Variants in GRB14 observed in about 807,000 individuals in gnomAD.
The protein encoded by GRB14 is growth factor receptor bound protein 14.
In GRB14, 38 loss-of-function variants were observed where a neutral mutation model predicts 69.1. The ratio of observed to expected loss-of-function variants is 0.55; its 90% CI spans 0.42 to 0.72. The LOEUF (loss-of-function observed/expected upper bound fraction) is 0.72. GRB14 is among the 30% of genes least tolerant of loss of function. The pLI is 0.00. For missense variants in GRB14, 666 were observed against 666.1 expected (o/e 1.00, Z 0.00); for synonymous variants, 247 against 241.3 (o/e 1.02, Z -0.22).
chr2:164,520,231 A>G (rs1218711126), intron 6 of GRB14, among the ~76,000 whole-genome samples: 2 of 152,148 alleles, frequency 1.3e-5, no homozygotes, highest in Admixed American at 1.3e-4. Context: ...GGTCTTTGAC[A>G]AAGCAAACAA....
At chr2:164,514,842 C>A (rs938524872) in intron 6 of GRB14, among the ~76,000 whole-genome samples, 4 of 152,108 alleles carry the variant, frequency 2.6e-5, no homozygotes, top group Non-Finnish European at 5.9e-5. Context: ...TCACCTGCTG[C>A]CTGGAAAAAT....
intron 3 of GRB14, among the ~76,000 whole-genome samples, chr2:164,541,657 T>C (rs1574289141): frequency 6.6e-6 from 1 of 151,976 alleles, no homozygotes; most frequent in East Asian, 1.9e-4. Flanking sequence ...ATAGATACTA[T>C]GCCCTTCCCT....
At chr2:164,600,864 C>T (rs1689897726) in intron 2 of GRB14, among the ~76,000 whole-genome samples, 1 of 151,934 alleles carries the variant, frequency 6.6e-6, no homozygotes, top group African/African-American at 2.4e-5. Flanking sequence ...ATATTTATAG[C>T]CCCACATTTA....
At chr2:164,589,119 T>C (rs188873647) in intron 2 of GRB14, among the ~76,000 whole-genome samples, 2 of 152,336 alleles carry the variant, frequency 1.3e-5, no homozygotes, top group African/African-American at 4.8e-5. Flanking sequence ...TTGTAGTCAA[T>C]GTGTACATTT....
rs776664771 is a variant in GRB14 at position 164,494,453 on chromosome 2, A to AT, written c.1453dup (p.Ile485AsnfsTer12). 5.7e-6 allele frequency: 9 copies of AT among 1,592,850 alleles called. No individual in the cohort carries two copies. Among genetic ancestry groups the AT allele is most frequent in the Non-Finnish European group, 7.8e-6 (9 of 1,161,014 alleles). On this transcript the variant is annotated frameshift_variant, in exon 13 of 14. Coordinates refer to ENST00000263915, the MANE Select transcript of GRB14 (RefSeq NM_004490.3). LOFTEE classifies it high-confidence loss of function. Reference sequence around the variant, plus strand: ...TACTGGTATAATTTGAAAGTGCTTTATTTTTTGTCCATGACTCATTGACAG... The same window carrying AT: ...TACTGGTATAATTTGAAAGTGCTTTATTTTTTTGTCCATGACTCATTGACAG...
intron 3 of GRB14, among the ~76,000 whole-genome samples, chr2:164,527,526 A>G (rs1434868610): frequency 6.6e-6 from 1 of 151,860 alleles, no homozygotes; most frequent in Non-Finnish European, 1.5e-5. Flanking sequence ...TGCCAAAACT[A>G]AAGTATTTAT....
chr2:164,616,519 C>T lies in GRB14; in HGVS notation c.324+3168G>A, dbSNP rs540781667. On this transcript the variant is annotated intron_variant, in intron 2 of 13. Transcript: ENST00000263915. The stretch of plus-strand genomic sequence containing the variant: ...GGTACTGAAAGCCTACAGTATTGTA[C>T]ACTTTGGGACATTTTATTTGCAAAA... 2.7e-4 allele frequency among the ~76,000 whole-genome samples: 40 copies of T among 150,000 alleles called. 1 individual carries two copies. In the South Asian group the frequency reaches 8.6e-3, roughly 32 times the overall value.
chr2:164,515,796 T>A (rs1341466676), intron 6 of GRB14, among the ~76,000 whole-genome samples: 1 of 93,822 alleles, frequency 1.1e-5, no homozygotes, highest in African/African-American at 4.0e-5. Context: ...GAAGTTCAAC[T>A]TAGTGAGAAA....
At chr2:164,581,294 G>A (rs1043911848) in intron 2 of GRB14, among the ~76,000 whole-genome samples, 1 of 152,092 alleles carries the variant, frequency 6.6e-6, no homozygotes, top group Non-Finnish European at 1.5e-5. Context: ...CATTGTAAAA[G>A]GGATTTTGCA....
chr2:164,561,910 A>T (rs956195679), intron 2 of GRB14, among the ~76,000 whole-genome samples: 1 of 152,214 alleles, frequency 6.6e-6, no homozygotes, highest in Non-Finnish European at 1.5e-5. Flanking sequence ...AGCTAGATAA[A>T]GGTAATGAAA....
At chr2:164,507,344 T>C (rs938112023) in intron 8 of GRB14, among the ~76,000 whole-genome samples, 2 of 152,134 alleles carry the variant, frequency 1.3e-5, no homozygotes, top group Non-Finnish European at 2.9e-5. Context: ...TCAGGGTAAA[T>C]GAAATGGGGG....
intron 5 of GRB14, among the ~76,000 whole-genome samples, chr2:164,522,451 A>G (rs1034669569): frequency 2.6e-5 from 4 of 152,176 alleles, no homozygotes; most frequent in African/African-American, 9.7e-5. Context: ...ATAGTTATCT[A>G]ACTACCAAAA....
intron 2 of GRB14, among the ~76,000 whole-genome samples, chr2:164,590,349 T>C (rs774185838): frequency 6.6e-6 from 1 of 152,110 alleles, no homozygotes; most frequent in African/African-American, 2.4e-5. Flanking sequence ...GCTTAAAAGA[T>C]AGTTATAAAT....
intron 2 of GRB14, among the ~76,000 whole-genome samples, chr2:164,617,170 T>G (rs1690317618): frequency 6.6e-6 from 1 of 152,094 alleles, no homozygotes. Context: ...GGGGTACCCT[T>G]GTCTTCATAG....
intron 2 of GRB14, among the ~76,000 whole-genome samples, chr2:164,563,112 A>G (rs533872737): frequency 9.9e-5 from 15 of 151,964 alleles, no homozygotes; most frequent in African/African-American, 3.4e-4. Flanking sequence ...CTAAACTAAG[A>G]CCACCATCCA....
intron 2 of GRB14, among the ~76,000 whole-genome samples, chr2:164,550,482 T>C (rs970191213): frequency 9.8e-5 from 15 of 152,328 alleles, no homozygotes; most frequent in Admixed American, 7.2e-4. Flanking sequence ...CTTTTAAAAA[T>C]TATACTTAAT....
At chr2:164,512,778 G>C (rs900238457) in intron 6 of GRB14, among the ~76,000 whole-genome samples, 1 of 152,176 alleles carries the variant, frequency 6.6e-6, no homozygotes, top group Non-Finnish European at 1.5e-5. Flanking sequence ...ATGGGAAAAA[G>C]TCAGGTATAA....
chr2:164,563,108 TA>T (rs1688875623), intron 2 of GRB14, among the ~76,000 whole-genome samples: 2 of 151,858 alleles, frequency 1.3e-5, no homozygotes, highest in African/African-American at 2.4e-5. Context: ...CCATCTAAAC[TA>T]AGACCACCAT....
At chr2:164,513,748 G>T (rs1225064307) in intron 6 of GRB14, among the ~76,000 whole-genome samples, 1 of 152,122 alleles carries the variant, frequency 6.6e-6, no homozygotes, top group African/African-American at 2.4e-5. Context: ...AAGCTTATAA[G>T]AATGTTTGAA....
Sources: gnomAD v4.1 joint callset for allele counts (sites outside exome capture counted in the v4.1 genomes callset) on GRCh38, gnomAD v4.1.1 for gene constraint, MANE v1.5 for transcripts, NCBI Gene and HGNC (gene_info 2026-07-23, HGNC 2026-07-21) for gene names.